UBE2E2: variants seen among roughly 807,000 people sequenced by gnomAD.
UBE2E2 encodes ubiquitin-conjugating enzyme E2 E2.
In UBE2E2, 6 loss-of-function variants were observed where a neutral mutation model predicts 24.7. The observed-to-expected ratio is 0.24, with a 90% CI of 0.13 to 0.48. UBE2E2 has a LOEUF of 0.48. Ranked by LOEUF, UBE2E2 falls within the 20% of genes least tolerant of loss-of-function variation. The pLI is 0.99. For synonymous variants in UBE2E2, 104 were observed against 83.6 expected, an observed-to-expected ratio of 1.24 and a Z score of -1.33; for missense variants, 169 against 245.0, an observed-to-expected ratio of 0.69 and a Z score of 2.07.
chr3:23,388,498 A>G (rs1237780347), intron 3 of UBE2E2, among the ~76,000 whole-genome samples: 2 of 152,206 alleles, frequency 1.3e-5, no homozygotes, highest in African/African-American at 2.4e-5. Context: ...TATAATTTTA[A>G]AGAATGTCCG....
At chr3:23,210,619 T>G (rs926376914) in intron 2 of UBE2E2, among the ~76,000 whole-genome samples, 7 of 152,216 alleles carry the variant, frequency 4.6e-5, no homozygotes, top group Admixed American at 4.6e-4. Flanking sequence ...ATATAGAAGA[T>G]ATTTTTCTGC....
chr3:23,485,489 T>A (rs1297724997), intron 3 of UBE2E2, among the ~76,000 whole-genome samples: 1 of 152,162 alleles, frequency 6.6e-6, no homozygotes, highest in African/African-American at 2.4e-5. Context: ...ACTTTTCTTC[T>A]TGAACAGGTC....
At chr3:23,278,340 A>G (rs1559330856) in intron 3 of UBE2E2, among the ~76,000 whole-genome samples, 1 of 152,180 alleles carries the variant, frequency 6.6e-6, no homozygotes, top group Non-Finnish European at 1.5e-5. Flanking sequence ...AAATATATTT[A>G]ATTCAGGAAA....
chr3:23,325,239 C>T (rs1195158936), intron 3 of UBE2E2, among the ~76,000 whole-genome samples: 1 of 151,648 alleles, frequency 6.6e-6, no homozygotes, highest in Admixed American at 6.6e-5. Flanking sequence ...TCCTTTGGGA[C>T]AAGGATTTAG....
At chr3:23,526,345 G>T (rs143504739) in intron 4 of UBE2E2, among the ~76,000 whole-genome samples, 1 of 152,194 alleles carries the variant, frequency 6.6e-6, no homozygotes, top group East Asian at 1.9e-4. Flanking sequence ...CCTTCCTCAG[G>T]ATATTCTCTA....
Position 23,369,700 on chromosome 3 carries a change from CT to C in UBE2E2, c.228-129906del, listed in dbSNP as rs535738981. ...TTTTCTGCTTTGAACACATTTTTGTCTTGTGTTAGAGGTAAGCATTAAGGTC... is the reference window on the plus strand; with the variant it reads ...TTTTCTGCTTTGAACACATTTTTGTCTGTGTTAGAGGTAAGCATTAAGGTC... On this transcript the variant is annotated intron_variant, in intron 3 of 5. Coordinates refer to ENST00000396703, the MANE Select transcript of UBE2E2 (RefSeq NM_152653.4). Among the ~76,000 whole-genome samples, 392 of 152,202 alleles carry C rather than the reference CT, an allele frequency of 2.6e-3. 1 individual carries two copies. The highest frequency in any genetic ancestry group is 4.4e-3 in the Non-Finnish European group (301 of 68,006).
chr3:23,246,727 A>G (rs915375272), intron 3 of UBE2E2, among the ~76,000 whole-genome samples: 3 of 152,094 alleles, frequency 2.0e-5, no homozygotes, highest in African/African-American at 7.2e-5. Context: ...TCGGTTAAAA[A>G]TGAAACATTT....
chr3:23,228,065 T>C (rs1315532525), intron 3 of UBE2E2, among the ~76,000 whole-genome samples: 1 of 152,198 alleles, frequency 6.6e-6, no homozygotes, highest in Non-Finnish European at 1.5e-5. Flanking sequence ...TTCAAAACTG[T>C]ATTAAGGGAA....
chr3:23,391,162 A>T (rs1696923948), intron 3 of UBE2E2, among the ~76,000 whole-genome samples: 1 of 152,194 alleles, frequency 6.6e-6, no homozygotes, highest in Non-Finnish European at 1.5e-5. Flanking sequence ...TACTTACCCA[A>T]AGTCATACAG....
intron 3 of UBE2E2, among the ~76,000 whole-genome samples, chr3:23,467,957 C>G (rs985404149): frequency 6.6e-6 from 1 of 152,130 alleles, no homozygotes; most frequent in African/African-American, 2.4e-5. Context: ...AACTCTATCA[C>G]AAGGACAGGA....
intron 3 of UBE2E2, among the ~76,000 whole-genome samples, chr3:23,380,661 C>T (rs911769643): frequency 2.6e-5 from 4 of 152,100 alleles, no homozygotes; most frequent in South Asian, 2.1e-4. Flanking sequence ...TTTTACCTTT[C>T]GTGTTCTGTG....
At chr3:23,584,913 T>C in intron 5 of UBE2E2, among the ~76,000 whole-genome samples, 1 of 152,050 alleles carries the variant, frequency 6.6e-6, no homozygotes, top group East Asian at 1.9e-4. Flanking sequence ...ATAGTGATTG[T>C]TAGTTGACAG....
intron 3 of UBE2E2, among the ~76,000 whole-genome samples, chr3:23,248,023 C>G (rs1455959294): frequency 6.6e-6 from 1 of 152,214 alleles, no homozygotes; most frequent in African/African-American, 2.4e-5. Flanking sequence ...GTATACCAAG[C>G]CAAGTGCATT....
chr3:23,227,880 A>G (rs777799368), intron 3 of UBE2E2, among the ~76,000 whole-genome samples: 1 of 152,164 alleles, frequency 6.6e-6, no homozygotes, highest in African/African-American at 2.4e-5. Flanking sequence ...ACTTCCTTTT[A>G]TAATTTTTAA....
chr3:23,203,600 C>T (rs1336692985), intron 1 of UBE2E2, 136 bp downstream of exon 1: 3 of 471,322 alleles, frequency 6.4e-6, no homozygotes, highest in South Asian at 1.8e-4. Context: ...TCCCTCCTTC[C>T]TCGCTCCCCG....
At chr3:23,204,835 C>T in intron 1 of UBE2E2, 1 of 835,990 alleles carries the variant, frequency 1.2e-6, no homozygotes, top group Non-Finnish European at 1.4e-6. Context: ...AGGAAGACAG[C>T]AAGACATATA....
At chr3:23,340,903 T>C (rs1477562478) in intron 3 of UBE2E2, among the ~76,000 whole-genome samples, 3 of 152,174 alleles carry the variant, frequency 2.0e-5, no homozygotes, top group Non-Finnish European at 4.4e-5. Context: ...GTTTCCTCAA[T>C]TCCTACACTT....
intron 2 of UBE2E2, among the ~76,000 whole-genome samples, chr3:23,211,063 ACATCT>A (rs1489456904): frequency 2.0e-5 from 3 of 152,164 alleles, no homozygotes; most frequent in Non-Finnish European, 4.4e-5. Flanking sequence ...AGAGGACCCC[ACATCT>A]TTTAAGTTCA....
intron 3 of UBE2E2, among the ~76,000 whole-genome samples, chr3:23,484,931 T>G (rs887649395): frequency 2.0e-5 from 3 of 152,054 alleles, no homozygotes; most frequent in Non-Finnish European, 4.4e-5. Context: ...GGAGCTACAG[T>G]TGAAGAAGAA....
Sources: allele counts gnomAD v4.1 joint callset (sites outside exome capture counted in the v4.1 genomes callset), GRCh38; gene constraint gnomAD v4.1.1; transcripts MANE v1.5; gene names NCBI Gene and HGNC (gene_info 2026-07-23, HGNC 2026-07-21).